SLC25A48: variants seen among roughly 807,000 people sequenced by gnomAD.
SLC25A48 encodes the protein CTC-321K16.1.
SLC25A48 carries 29 observed loss-of-function variants against 32.2 expected under a neutral mutation model. That is an observed-to-expected ratio of 0.90 (90% CI 0.67 to 1.23). The LOEUF (loss-of-function observed/expected upper bound fraction) is 1.23. Among genes scored for constraint, SLC25A48 ranks in the 50% most tolerant of loss-of-function variants. The pLI is 0.00. For synonymous variants in SLC25A48, 164 were observed against 172.3 expected (o/e 0.95, Z 0.38); for missense variants, 399 against 422.7 (o/e 0.94, Z 0.49).
chr5:135,610,945 G>A (rs1752048440), intron 1 of SLC25A48, among the ~76,000 whole-genome samples: 1 of 152,224 alleles, frequency 6.6e-6, no homozygotes, highest in Non-Finnish European at 1.5e-5. Context: ...AGACATGACA[G>A]CCTAATAACA....
chr5:135,636,519 C>A (rs1332314589), intron 3 of SLC25A48, among the ~76,000 whole-genome samples: 3 of 152,162 alleles, frequency 2.0e-5, no homozygotes, highest in African/African-American at 4.8e-5. Context: ...GGAAAGGGAC[C>A]AGTTTCTGTG....
intron 3 of SLC25A48, chr5:135,649,601 G>C (rs2126923920): frequency 6.6e-6 from 1 of 152,446 alleles, no homozygotes; most frequent in South Asian, 2.1e-4. Context: ...TAGACCAGAA[G>C]GGTTAGGAGG....
upstream of SLC25A48, among the ~76,000 whole-genome samples, chr5:135,834,159 G>A (rs1758317450): frequency 6.6e-6 from 1 of 152,206 alleles, no homozygotes; most frequent in African/African-American, 2.4e-5. Context: ...CTACAGAGAG[G>A]GAGTTTGAGG....
intron 3 of SLC25A48, among the ~76,000 whole-genome samples, chr5:135,776,702 C>T (rs1459637406): frequency 6.7e-6 from 1 of 150,086 alleles, no homozygotes; most frequent in Non-Finnish European, 1.5e-5. Context: ...GGTGTACACA[C>T]ACCCTGTGAT....
At chr5:135,608,449 C>A (rs1751990045) in intron 1 of SLC25A48, among the ~76,000 whole-genome samples, 1 of 152,228 alleles carries the variant, frequency 6.6e-6, no homozygotes, top group Admixed American at 6.5e-5. Context: ...TCTTTTCTCT[C>A]CATGAGCAAT....
intron 2 of SLC25A48, among the ~76,000 whole-genome samples, chr5:135,634,277 C>G (rs1317031745): frequency 6.6e-6 from 1 of 152,192 alleles, no homozygotes; most frequent in Non-Finnish European, 1.5e-5. Context: ...CATCCTGCAA[C>G]CCAGTGTACC....
At chr5:135,819,323 G>A in intron 4 of SLC25A48, among the ~76,000 whole-genome samples, 1 of 152,034 alleles carries the variant, frequency 6.6e-6, no homozygotes. Flanking sequence ...CACTTACAAA[G>A]CTTAAAGAAA....
chr5:135,585,218 T>A (rs899774252), intron 1 of SLC25A48, among the ~76,000 whole-genome samples: 5 of 152,192 alleles, frequency 3.3e-5, no homozygotes, highest in Admixed American at 6.5e-5. Context: ...CTCATTCTGC[T>A]CTGCCCCACC....
At chr5:135,751,784 T>C (rs1056135168) in intron 3 of SLC25A48, among the ~76,000 whole-genome samples, 4 of 152,108 alleles carry the variant, frequency 2.6e-5, no homozygotes, top group Admixed American at 2.6e-4. Context: ...GATGAGCTAT[T>C]ATCACACTAC....
chr5:135,603,873 G>GGTGGGAA (rs1266968557), intron 1 of SLC25A48, among the ~76,000 whole-genome samples: 2 of 151,978 alleles, frequency 1.3e-5, no homozygotes, highest in Non-Finnish European at 2.9e-5. Flanking sequence ...GGAGGTGGGA[G>GGTGGGAA]GTGGAGGGTG....
chr5:135,596,625 G>A (rs1289436558), intron 1 of SLC25A48, among the ~76,000 whole-genome samples: 1 of 152,324 alleles, frequency 6.6e-6, no homozygotes, highest in East Asian at 1.9e-4. Context: ...CCGTGGGGCT[G>A]CTGAGGAGCG....
intron 3 of SLC25A48, among the ~76,000 whole-genome samples, chr5:135,640,780 T>G (rs1225572285): frequency 6.6e-6 from 1 of 152,102 alleles, no homozygotes; most frequent in African/African-American, 2.4e-5. Flanking sequence ...GAAAAGCACT[T>G]GACAAAAATT....
intron 5 of SLC25A48, chr5:135,871,923 A>G: frequency 6.8e-7 from 1 of 1,464,592 alleles, no homozygotes; most frequent in Non-Finnish European, 9.1e-7. Context: ...TGAGAATGGC[A>G]GTTCCCATTT....
At chr5:135,804,012 T>C (rs771992934) in intron 3 of SLC25A48, among the ~76,000 whole-genome samples, 1 of 151,558 alleles carries the variant, frequency 6.6e-6, no homozygotes, top group Non-Finnish European at 1.5e-5. Flanking sequence ...CTACACATGC[T>C]GTACATTTTC....
At position 135,685,431 on chromosome 5, in the gene SLC25A48, CT is replaced by C. The variant is rs5871571; in HGVS notation, c.-521+50493del. Among the ~76,000 whole-genome samples, 138 of 129,718 alleles carry C rather than the reference CT, an allele frequency of 1.1e-3. 1 individual carries two copies. Among genetic ancestry groups the C allele is most frequent in the African/African-American group, 2.4e-3 (84 of 34,858 alleles). The allele number at this position is 129,718 out of a possible 152,430, so 85.1% of individuals were successfully genotyped here. On this transcript the variant is annotated intron_variant, in intron 3 of 10. Transcript: ENST00000646290. ...GAAGAAGCTGTTTTAGATGTAAGGA[CT>C]TTTTTTTTTTTTTTTTTGAGACAGA...
chr5:135,849,583 C>A (rs1759672630), intron 2 of SLC25A48, among the ~76,000 whole-genome samples: 1 of 152,142 alleles, frequency 6.6e-6, no homozygotes, highest in South Asian at 2.1e-4. Context: ...GGGTTGTGCC[C>A]AGCTCTGGGG....
chr5:135,874,544 A>G (rs1761905116), intron 6 of SLC25A48: 2 of 570,260 alleles, frequency 3.5e-6, no homozygotes. Context: ...GGGAAGTGCC[A>G]GAGCTGCCTT....
At chr5:135,737,775 G>A (rs1267609967) in intron 3 of SLC25A48, among the ~76,000 whole-genome samples, 5 of 152,092 alleles carry the variant, frequency 3.3e-5, no homozygotes, top group African/African-American at 7.2e-5. Flanking sequence ...CTGCACCTCC[G>A]GGTCACTTTT....
intron 1 of SLC25A48, among the ~76,000 whole-genome samples, chr5:135,626,033 G>A (rs1314650173): frequency 6.6e-6 from 1 of 152,208 alleles, no homozygotes; most frequent in East Asian, 1.9e-4. Context: ...TCAACAGCAG[G>A]CCCTAAAACC....
Sources: allele counts gnomAD v4.1 joint callset (sites outside exome capture counted in the v4.1 genomes callset), GRCh38; gene constraint gnomAD v4.1.1; transcripts MANE v1.5; gene names NCBI Gene and HGNC (gene_info 2026-07-23, HGNC 2026-07-21).